STPG2: variants seen among roughly 807,000 people sequenced by gnomAD.
The protein encoded by STPG2 is sperm tail PG-rich repeat containing 2.
A neutral mutation model predicts 54.2 loss-of-function variants in STPG2; 56 were observed. That is an observed-to-expected ratio of 1.03 (90% CI 0.83 to 1.29). The LOEUF is 1.29. Ranked by LOEUF, STPG2 falls within the 50% of genes most tolerant of loss-of-function variation. The pLI, the probability that STPG2 is intolerant of heterozygous loss-of-function variation, is 0.00. For missense variants in STPG2, 596 were observed against 544.9 expected, an observed-to-expected ratio of 1.09 and a Z score of -0.93; for synonymous variants, 200 against 181.8, an observed-to-expected ratio of 1.10 and a Z score of -0.81.
intron 5 of STPG2, among the ~76,000 whole-genome samples, chr4:98,047,423 G>T (rs1047984026): frequency 6.6e-6 from 1 of 151,896 alleles, no homozygotes; most frequent in African/African-American, 2.4e-5. Context: ...CCCACAGGCA[G>T]CAGCTTGGAA....
chr4:97,951,961 A>G (rs1380441864), intron 7 of STPG2, among the ~76,000 whole-genome samples: 1 of 152,136 alleles, frequency 6.6e-6, no homozygotes, highest in Non-Finnish European at 1.5e-5. Flanking sequence ...AGGTCTTATC[A>G]GGGGAAAGGG....
intron 9 of STPG2, among the ~76,000 whole-genome samples, chr4:97,761,565 C>T (rs1044921296): frequency 6.6e-6 from 1 of 152,124 alleles, no homozygotes; most frequent in Admixed American, 6.5e-5. Context: ...AGCCACCCAG[C>T]TTATGGTACT....
intron 6 of STPG2, 103 bp from the exon 7 acceptor site, chr4:97,972,543 C>A (rs746061088): frequency 3.3e-5 from 22 of 661,528 alleles, no homozygotes; most frequent in Non-Finnish European, 4.7e-5. Context: ...AATAAAAAAC[C>A]CTCACATATT....
At chr4:97,657,223 T>A (rs942374707) in intron 10 of STPG2, among the ~76,000 whole-genome samples, 2 of 151,944 alleles carry the variant, frequency 1.3e-5, no homozygotes, top group African/African-American at 4.8e-5. Flanking sequence ...AAATAGTAAG[T>A]GGCCAAAAAA....
At chr4:98,136,582 T>A (rs1409584325) in intron 1 of STPG2, among the ~76,000 whole-genome samples, 1 of 151,594 alleles carries the variant, frequency 6.6e-6, no homozygotes, top group Admixed American at 6.6e-5. Flanking sequence ...GTGCAAAATT[T>A]TAAAAAAATG....
intron 5 of STPG2, among the ~76,000 whole-genome samples, chr4:97,996,184 T>C (rs1735202587): frequency 6.6e-6 from 1 of 152,122 alleles, no homozygotes; most frequent in Admixed American, 6.6e-5. Flanking sequence ...CTACCTGACT[T>C]CAAACTATAC....
chr4:98,139,431 T>C (rs895999364), intron 1 of STPG2, among the ~76,000 whole-genome samples: 2 of 152,174 alleles, frequency 1.3e-5, no homozygotes, highest in African/African-American at 4.8e-5. Flanking sequence ...AAGTAAGTTA[T>C]ATAAAGTCCC....
At chr4:98,076,548 A>T (rs1384713097) in intron 5 of STPG2, among the ~76,000 whole-genome samples, 4 of 152,176 alleles carry the variant, frequency 2.6e-5, no homozygotes, top group Non-Finnish European at 4.4e-5. Context: ...AAATGTTGAG[A>T]TTGGTCATGT....
chr4:97,574,326 A>G (rs775533584), intron 10 of STPG2, among the ~76,000 whole-genome samples: 9 of 152,066 alleles, frequency 5.9e-5, no homozygotes, highest in Non-Finnish European at 8.8e-5. Context: ...AAAATAAAAG[A>G]CAGATTGACA....
At chr4:97,845,384 G>A (rs1016209043) in intron 8 of STPG2, among the ~76,000 whole-genome samples, 1 of 151,918 alleles carries the variant, frequency 6.6e-6, no homozygotes, top group Non-Finnish European at 1.5e-5. Flanking sequence ...ACATTATAAG[G>A]TGGTTTATTC....
intron 10 of STPG2, among the ~76,000 whole-genome samples, chr4:97,685,819 A>T (rs10005829): frequency 0.59 from 89,585 of 152,112 alleles, 26,706 homozygotes; most frequent in South Asian, 0.68. Flanking sequence ...TCAGCAAAAT[A>T]TTTCTGTAAA....
At chr4:97,760,236 A>C (rs551147859) in intron 9 of STPG2, among the ~76,000 whole-genome samples, 9 of 152,340 alleles carry the variant, frequency 5.9e-5, no homozygotes, top group Admixed American at 2.6e-4. Context: ...ACTGGACTAA[A>C]AGATCAAGGA....
intron 10 of STPG2, among the ~76,000 whole-genome samples, chr4:97,689,748 C>T (rs1241413687): frequency 6.6e-6 from 1 of 151,970 alleles, no homozygotes; most frequent in Non-Finnish European, 1.5e-5. Flanking sequence ...TCATTTAATA[C>T]TATTTAAGAC....
intron 8 of STPG2, among the ~76,000 whole-genome samples, chr4:97,890,336 C>A (rs979937557): frequency 1.3e-5 from 2 of 151,840 alleles, no homozygotes; most frequent in Non-Finnish European, 2.9e-5. Context: ...ACAAGACTTG[C>A]CAACACCAAA....
Position 97,798,084 on chromosome 4 carries a change from T to C in STPG2, c.1204+42689A>G, listed in dbSNP as rs186286264. On this transcript the variant is annotated intron_variant, in intron 9 of 10. Transcript: ENST00000295268. Reference sequence around the variant, plus strand: ...CTATTTGATTCTTCTCTCTTCTTTATTACTCTTGCTAGTGGTCTATCAATT... The same window carrying C: ...CTATTTGATTCTTCTCTCTTCTTTACTACTCTTGCTAGTGGTCTATCAATT... Among the ~76,000 whole-genome samples the C allele has an allele frequency of 3.9e-3, 596 of 152,040 alleles. 1 individual carries two copies. The highest frequency in any genetic ancestry group is 0.014 in the Middle Eastern group (4 of 294).
chr4:97,816,226 C>T (rs1190324929), intron 9 of STPG2, among the ~76,000 whole-genome samples: 1 of 151,766 alleles, frequency 6.6e-6, no homozygotes, highest in Non-Finnish European at 1.5e-5. Flanking sequence ...TTTTTTATGG[C>T]TGCATAGTAC....
intron 8 of STPG2, among the ~76,000 whole-genome samples, chr4:97,879,837 A>G (rs1348030747): frequency 2.0e-5 from 3 of 152,228 alleles, no homozygotes; most frequent in Non-Finnish European, 4.4e-5. Context: ...GAACCCCTGT[A>G]TACTATTGGT....
intron 4 of STPG2, among the ~76,000 whole-genome samples, chr4:97,504,053 ATATTT>A (rs1157916108): frequency 1.2e-4 from 17 of 144,394 alleles, no homozygotes; most frequent in Admixed American, 1.1e-3. Context: ...TTTTATTTAA[ATATTT>A]TATTTTATTT....
intron 10 of STPG2, among the ~76,000 whole-genome samples, chr4:97,686,836 AATT>A (rs1723204120): frequency 6.6e-6 from 1 of 151,960 alleles, no homozygotes; most frequent in East Asian, 1.9e-4. Flanking sequence ...TTTTCTCTAA[AATT>A]ATTATTTTTT....
Sources: allele counts gnomAD v4.1 joint callset (sites outside exome capture counted in the v4.1 genomes callset), GRCh38; gene constraint gnomAD v4.1.1; transcripts MANE v1.5; gene names NCBI Gene and HGNC (gene_info 2026-07-23, HGNC 2026-07-21).